CNKSR1: variants seen among roughly 807,000 people sequenced by gnomAD.
CNKSR1 encodes connector enhancer of kinase suppressor of Ras 1.
CNKSR1 carries 88 observed loss-of-function variants against 95.6 expected under a neutral mutation model. The ratio of observed to expected loss-of-function variants is 0.92; its 90% confidence interval spans 0.78 to 1.10. The LOEUF is 1.10. Ranked by LOEUF, CNKSR1 falls within the 50% of genes least tolerant of loss-of-function variation. The pLI, the probability that CNKSR1 is intolerant of heterozygous loss-of-function variation, is 0.00. For missense variants in CNKSR1, 836 were observed against 912.0 expected, an observed-to-expected ratio of 0.92 and a Z score of 1.07; for synonymous variants, 355 against 369.7, an observed-to-expected ratio of 0.96 and a Z score of 0.46.
chr1:26,189,385 A>AGGGCCTGG lies in CNKSR1; in HGVS notation c.1990_1997dup (p.Val667ProfsTer14), dbSNP rs775216922. 5.0e-6 allele frequency: 8 copies of AGGGCCTGG among 1,613,822 alleles called. No individual in the cohort carries two copies. In the African/African-American group the frequency reaches 5.3e-5, roughly 11 times the overall value. On this transcript the variant is annotated frameshift_variant, in exon 21 of 21. Transcript: ENST00000361530. LOFTEE classifies it low-confidence loss of function (END_TRUNC). ...GAGCAGAACCGGGAGCTGTACTCAG[A>AGGGCCTGG]GGGCCTGGGGGCCTGGGGAGTGGCA... is the stretch of plus-strand genomic sequence containing the variant.
Position 26,189,488 on chromosome 1 carries a change from A to G in CNKSR1, c.2082A>G (p.Glu694=). 1 of 1,612,610 alleles carries G rather than the reference A, an allele frequency of 6.2e-7. No individual in the cohort carries two copies. The highest frequency in any genetic ancestry group is 8.5e-7 in the Non-Finnish European group (1 of 1,178,764). ...CCCACTCCCTGCCCTCTGACCCTGA[A>G]GAGCACTCCCATCTCTGCCCCCTGA... is the stretch of plus-strand genomic sequence containing the variant. ...QSPHSLPSDP[E]EHSHLCPLTS... The change falls in exon 21 of 21, where the codon GAA becomes GAG. Residue 694 remains glutamate, a synonymous_variant. Transcript: ENST00000361530.
chr1:26,185,297 C>T, intron 14 of CNKSR1, 111 bp downstream of exon 14: 1 of 1,187,980 alleles, frequency 8.4e-7, no homozygotes, highest in Non-Finnish European at 1.2e-6. Flanking sequence ...TTGATGTCCC[C>T]ATCTGTAAAA....
At chr1:26,179,799 T>A (rs2088615798) in intron 1 of CNKSR1, among the ~76,000 whole-genome samples, 1 of 152,186 alleles carries the variant, frequency 6.6e-6, no homozygotes, top group South Asian at 2.1e-4. Context: ...CCTGTATCAT[T>A]AGTTCTCAAA....
intron 6 of CNKSR1, among the ~76,000 whole-genome samples, chr1:26,182,933 G>C (rs533188137): frequency 6.6e-6 from 1 of 152,188 alleles, no homozygotes; most frequent in East Asian, 1.9e-4. Flanking sequence ...CCCTGTCCCT[G>C]CTTGTCCCTT....
At chr1:26,185,235 C>T in intron 14 of CNKSR1, 49 bp downstream of exon 14, 1 of 1,523,142 alleles carries the variant, frequency 6.6e-7, no homozygotes, top group African/African-American at 1.4e-5. Flanking sequence ...CACTTCCAGG[C>T]CTCGATTCTC....
chr1:26,177,795 C>T (rs2088585934), intron 1 of CNKSR1, among the ~76,000 whole-genome samples, 196 bp downstream of exon 1: 1 of 152,040 alleles, frequency 6.6e-6, no homozygotes, highest in African/African-American at 2.4e-5. Flanking sequence ...GGTGAAACCC[C>T]GTCTCTACTA....
At position 26,187,239 on chromosome 1, in the gene CNKSR1, A is replaced by C; in HGVS notation, c.1380A>C (p.Lys460Asn). The change falls in exon 15 of 21, where the codon AAA becomes AAC. Residue 460 changes from lysine to asparagine, a missense_variant and splice_region_variant. Transcript: ENST00000361530. ...AAAGTGGACATGATCAGAAGAAGAA[A>C]TAGTTAAGTCTTGGGGTGTGATGGG... ...SLESGHDQKK[K>N]YVFQLTHDVY... 1 of 1,613,258 alleles carries C rather than the reference A, an allele frequency of 6.2e-7. No individual in the cohort carries two copies. Among genetic ancestry groups the C allele is most frequent in the Non-Finnish European group, 8.5e-7 (1 of 1,179,192 alleles).
At chr1:26,184,868 C>A in intron 13 of CNKSR1, 146 bp from the exon 14 acceptor site, 2 of 900,544 alleles carry the variant, frequency 2.2e-6, no homozygotes, top group South Asian at 1.7e-5. Context: ...AAGGGTCATC[C>A]CACCTCAGAG....
At chr1:26,187,783 C>T (rs1204399074) in intron 16 of CNKSR1, among the ~76,000 whole-genome samples, 1 of 151,840 alleles carries the variant, frequency 6.6e-6, no homozygotes, top group East Asian at 1.9e-4. Context: ...CCACCATACC[C>T]GGCTAATTTT....
At chr1:26,181,152 G>A (rs958774820) in intron 3 of CNKSR1, 18 of 440,970 alleles carry the variant, frequency 4.1e-5, no homozygotes, top group African/African-American at 1.8e-4. Flanking sequence ...GTGGTGGTGC[G>A]CACCTGTAAT....
At chr1:26,183,571 G>C (rs1345105553) in intron 8 of CNKSR1, 157 bp downstream of exon 8, 2 of 1,019,208 alleles carry the variant, frequency 2.0e-6, no homozygotes, top group Non-Finnish European at 3.1e-6. Flanking sequence ...CCTCTGCAGA[G>C]CCCAGGTGAT....
Position 26,180,821 on chromosome 1 carries a change from A to T in CNKSR1, c.317A>T (p.Lys106Met), listed in dbSNP as rs771221350. The change falls in exon 3 of 21, where the codon AAG becomes ATG. Residue 106 changes from lysine (K) to methionine (M), a missense_variant. Physicochemically the swap from Lys to Met is moderately conservative, Grantham distance 95 (BLOSUM62 -1). Transcript: ENST00000361530. ...CAAGGCTGCCTGGGGGACTGTGCCA[A>T]GACCCCTATTGATGTCCTCTGTGCA... Reference protein sequence around the residue: ...IVQGCLGDCAKTPIDVLCAAV... With the variant: ...IVQGCLGDCAMTPIDVLCAAV... 3 of 1,614,114 alleles carry T rather than the reference A, an allele frequency of 1.9e-6. No individual in the cohort carries two copies. Among genetic ancestry groups the T allele is most frequent in the Non-Finnish European group, 1.7e-6 (2 of 1,180,054 alleles).
At chr1:26,183,639 A>G (rs1331350943) in intron 8 of CNKSR1, 90 bp from the exon 9 acceptor site, 1 of 1,113,892 alleles carries the variant, frequency 9.0e-7, no homozygotes, top group East Asian at 2.3e-5. Context: ...TGGGAGGCTG[A>G]GAGAGAGCTC....
Position 26,188,942 on chromosome 1 carries a change from A to G in CNKSR1, c.1861A>G (p.Ser621Gly). 1 of 1,613,204 alleles carries G rather than the reference A, an allele frequency of 6.2e-7. No homozygotes were observed. The change falls in exon 20 of 21, where the codon AGC becomes GGC. Residue 621 changes from serine to glycine, a missense_variant. Transcript: ENST00000361530. ...AGTGCACCGTGTGCGGGCGCTACAGAGCACACTCAAGGTCAGCTGGGGGGC... is the reference window on the plus strand; with the variant it reads ...AGTGCACCGTGTGCGGGCGCTACAGGGCACACTCAAGGTCAGCTGGGGGGC... ...ERVHRVRALQSTLKAKLQELQ... is the reference protein window; with the variant it reads ...ERVHRVRALQGTLKAKLQELQ...
chr1:26,184,266 G>T lies in CNKSR1; in HGVS notation c.979G>T (p.Gly327Ter). 6.2e-7 allele frequency: 1 copy of T among 1,613,586 alleles called. No individual in the cohort carries two copies. Among genetic ancestry groups the T allele is most frequent in the Non-Finnish European group, 8.5e-7 (1 of 1,179,924 alleles). ...TGACCTGTCTTCAAACCCCAGTCCC[G>T]GACCCAGCCCTGCCTGGACAGGTAG... The part of the protein sequence containing the change: ...AFDLSSNPSP[G>*]PSPAWTDSAS... The change falls in exon 11 of 21, where the codon GGA becomes TGA. Residue 327 changes from glycine to a stop codon, truncating the protein, a stop_gained. Transcript: ENST00000361530. LOFTEE classifies it high-confidence loss of function.
At chr1:26,179,267 G>C (rs550557863) in intron 1 of CNKSR1, among the ~76,000 whole-genome samples, 2 of 152,180 alleles carry the variant, frequency 1.3e-5, no homozygotes, top group Non-Finnish European at 2.9e-5. Flanking sequence ...CAAGTGCAGG[G>C]GTTTGTGGAG....
intron 16 of CNKSR1, 116 bp downstream of exon 16, chr1:26,187,598 C>T: frequency 1.3e-6 from 1 of 795,194 alleles, no homozygotes; most frequent in Non-Finnish European, 2.2e-6. Context: ...AGTGGTTGGT[C>T]AAGATACTCA....
At position 26,187,228 on chromosome 1, in the gene CNKSR1, CAGA is replaced by C. The variant is rs1214434064; in HGVS notation, c.1377_1379del (p.Lys460del). The C allele has an allele frequency of 2.5e-6, 4 of 1,613,514 alleles. No individual in the cohort carries two copies. Among genetic ancestry groups the C allele is most frequent in the South Asian group, 1.1e-5 (1 of 91,048 alleles). The stretch of plus-strand genomic sequence containing the variant: ...CTATAGTCTGGAAAGTGGACATGAT[CAGA>C]AGAAGAAATAGTTAAGTCTTGGGGT... On this transcript the variant is annotated inframe_deletion, in exon 15 of 21. Coordinates refer to ENST00000361530, the MANE Select transcript of CNKSR1 (RefSeq NM_006314.3).
rs2088661564 is a variant in CNKSR1 at position 26,182,389 on chromosome 1, C to T, written c.506C>T (p.Thr169Ile). The change falls in exon 5 of 21, where the codon ACA (threonine) becomes ATA (isoleucine). Residue 169 changes from threonine (T) to isoleucine (I), a missense_variant. Transcript: ENST00000361530. ...EDGPAAEKEGTVLRICSHVAG... is the reference protein window; with the variant it reads ...EDGPAAEKEGIVLRICSHVAG... The stretch of plus-strand genomic sequence containing the variant: ...GGTCCAGCGGCTGAGAAGGAGGGCA[C>T]AGTCCTGAGGATCGTGAGTCTGTGG... 1.2e-6 allele frequency: 2 copies of T among 1,613,972 alleles called. No homozygotes were observed. The highest frequency in any genetic ancestry group is 4.5e-5 in the East Asian group (2 of 44,850).
Sources: allele counts gnomAD v4.1 joint callset (sites outside exome capture counted in the v4.1 genomes callset), GRCh38; gene constraint gnomAD v4.1.1; transcripts MANE v1.5; gene names NCBI Gene and HGNC (gene_info 2026-07-23, HGNC 2026-07-21).